Variants in CNTN4 observed in about 807,000 individuals in gnomAD.
The protein encoded by CNTN4 is contactin-4.
A neutral mutation model predicts 122.5 loss-of-function variants in CNTN4; 77 were observed. That is an observed-to-expected ratio of 0.63 (90% confidence interval 0.52 to 0.76). The LOEUF (loss-of-function observed/expected upper bound fraction) is 0.76. CNTN4 is among the 30% of genes least tolerant of loss of function. The pLI, the probability that CNTN4 is intolerant of heterozygous loss-of-function variation, is 0.00. For synonymous variants in CNTN4, 512 were observed against 447.0 expected, an observed-to-expected ratio of 1.15 and a Z score of -1.83; for missense variants, 1,256 against 1,259.1, an observed-to-expected ratio of 1.00 and a Z score of 0.04.
At position 2,618,243 on chromosome 3, in the gene CNTN4, G is replaced by GTATA. The variant is rs56209132; in HGVS notation, c.55+46695_55+46698dup. 6.5e-3 allele frequency among the ~76,000 whole-genome samples: 977 copies of GTATA among 151,162 alleles called. 13 individuals are homozygous for GTATA. The highest frequency in any genetic ancestry group is 0.023 in the African/African-American group (939 of 41,242). ...AAAGTGTTGTAAAAATTAAATGTGG[G>GTATA]TATATATATATATGGAATATGCATG... On this transcript the variant is annotated intron_variant, in intron 4 of 24. Coordinates refer to ENST00000418658, the MANE Select transcript of CNTN4 (RefSeq NM_175607.3).
intron 6 of CNTN4, among the ~76,000 whole-genome samples, chr3:2,776,521 A>G (rs573202892): frequency 6.6e-6 from 1 of 152,214 alleles, no homozygotes; most frequent in African/African-American, 2.4e-5. Flanking sequence ...TTGATCTCCA[A>G]AGTCAACATT....
At chr3:2,607,943 T>G (rs1285467808) in intron 4 of CNTN4, among the ~76,000 whole-genome samples, 1 of 152,202 alleles carries the variant, frequency 6.6e-6, no homozygotes, top group Non-Finnish European at 1.5e-5. Context: ...TTTGATCACT[T>G]CTGTGGTTTT....
chr3:2,594,416 C>CT lies in CNTN4; in HGVS notation c.55+22878dup, dbSNP rs36010353. Among the ~76,000 whole-genome samples the CT allele has an allele frequency of 1.3e-3, 130 of 103,544 alleles. 2 individuals carry two copies. Among genetic ancestry groups the CT allele is most frequent in the African/African-American group, 3.8e-3 (108 of 28,494 alleles). The allele number at this position is 103,544 out of a possible 152,430, so 67.9% of individuals were successfully genotyped here. A position where few individuals can be genotyped will look rare whatever the true frequency, so the allele number is the denominator to read the frequency against. The stretch of plus-strand genomic sequence containing the variant: ...TTAACCAGGGTATAATAAAATGGAT[C>CT]TTTTTTTTTTTTTTTTTTTTGAGAC... On this transcript the variant is annotated intron_variant, in intron 4 of 24. Coordinates refer to ENST00000418658, the MANE Select transcript of CNTN4 (RefSeq NM_175607.3).
chr3:2,231,680 A>G (rs1165095713), intron 2 of CNTN4, among the ~76,000 whole-genome samples: 2 of 152,232 alleles, frequency 1.3e-5, no homozygotes, highest in Non-Finnish European at 2.9e-5. Flanking sequence ...TTAAAGTCAA[A>G]TAAAAGCACT....
At chr3:2,585,436 A>G (rs1255208862) in intron 4 of CNTN4, among the ~76,000 whole-genome samples, 2 of 151,992 alleles carry the variant, frequency 1.3e-5, no homozygotes, top group African/African-American at 2.4e-5. Flanking sequence ...CTTGGAACCA[A>G]CCCAAATGTC....
intron 3 of CNTN4, among the ~76,000 whole-genome samples, chr3:2,490,163 AGC>A (rs2076275647): frequency 8.3e-3 from 4 of 482 alleles, no homozygotes; most frequent in Admixed American, 0.056. Context: ...AAAGAAAACA[AGC>A]AAACAAGCAA....
At chr3:2,861,622 A>C (rs562128936) in intron 7 of CNTN4, among the ~76,000 whole-genome samples, 1 of 152,322 alleles carries the variant, frequency 6.6e-6, no homozygotes, top group South Asian at 2.1e-4. Flanking sequence ...GTTATAATGC[A>C]AAGACTACCA....
At chr3:2,415,629 C>T (rs139448795) in intron 3 of CNTN4, among the ~76,000 whole-genome samples, 45 of 152,126 alleles carry the variant, frequency 3.0e-4, no homozygotes, top group African/African-American at 1.1e-3. Context: ...TCTGTGGGAC[C>T]CAGTGTTTGG....
intron 13 of CNTN4, among the ~76,000 whole-genome samples, chr3:2,931,501 C>A (rs2094520214): frequency 6.6e-6 from 1 of 152,198 alleles, no homozygotes; most frequent in African/African-American, 2.4e-5. Context: ...TCAAGTGTCA[C>A]CTGCTCAGAG....
intron 2 of CNTN4, among the ~76,000 whole-genome samples, chr3:2,169,810 A>G (rs527825077): frequency 2.0e-4 from 31 of 152,352 alleles, no homozygotes; most frequent in Non-Finnish European, 4.1e-4. Flanking sequence ...CTCTTTATCA[A>G]TGCTCTTAGT....
intron 2 of CNTN4, among the ~76,000 whole-genome samples, chr3:2,173,348 C>G (rs759909514): frequency 3.3e-5 from 5 of 152,156 alleles, no homozygotes; most frequent in Non-Finnish European, 5.9e-5. Context: ...GGTGAGAAGC[C>G]AGTGCACAGA....
At chr3:2,260,635 C>G (rs2040796984) in intron 2 of CNTN4, among the ~76,000 whole-genome samples, 3 of 152,032 alleles carry the variant, frequency 2.0e-5, no homozygotes, top group Admixed American at 2.0e-4. Flanking sequence ...TTGTATTTTT[C>G]CAAGCAAATA....
chr3:2,767,452 G>A (rs1313419905), intron 6 of CNTN4, among the ~76,000 whole-genome samples: 2 of 152,168 alleles, frequency 1.3e-5, no homozygotes, highest in African/African-American at 4.8e-5. Context: ...CAGCTAATCA[G>A]GGACTAGTTA....
At chr3:2,526,213 T>C (rs1432098316) in intron 3 of CNTN4, among the ~76,000 whole-genome samples, 1 of 152,154 alleles carries the variant, frequency 6.6e-6, no homozygotes, top group East Asian at 1.9e-4. Context: ...CACCTTCTCA[T>C]TTCTCTGTCT....
rs1209002718 is a variant in CNTN4, at chr3:2,841,221, C to A, written c.454+21640C>A. Among the ~76,000 whole-genome samples the A allele has an allele frequency of 1.3e-5, 2 of 152,176 alleles. No individual in the cohort carries two copies. The highest frequency in any genetic ancestry group is 2.1e-4 in the South Asian group (1 of 4,834). On this transcript the variant is annotated intron_variant, in intron 7 of 24. Coordinates refer to ENST00000418658, the MANE Select transcript of CNTN4 (RefSeq NM_175607.3). This position sits in a 1 kb window ranked among gnomAD's most constrained non-coding sequence, Gnocchi z 4.8. ...CAAAGAAGTTGGATCAAAAGAGTTACAGCTGGGTGGATTTTAACTTTTAAC... is the reference window on the plus strand; with the variant it reads ...CAAAGAAGTTGGATCAAAAGAGTTAAAGCTGGGTGGATTTTAACTTTTAAC...
chr3:2,117,134 C>A (rs972195220), intron 2 of CNTN4, among the ~76,000 whole-genome samples: 1 of 152,190 alleles, frequency 6.6e-6, no homozygotes, highest in Non-Finnish European at 1.5e-5. Context: ...ATGCCACAGG[C>A]AAGCCTCTGG....
intron 4 of CNTN4, among the ~76,000 whole-genome samples, chr3:2,707,545 A>G (rs1265833289): frequency 2.6e-5 from 4 of 152,178 alleles, no homozygotes; most frequent in African/African-American, 9.6e-5. Context: ...TTGCTAACAC[A>G]CTAGAATTTA....
chr3:2,292,958 T>C, intron 2 of CNTN4, among the ~76,000 whole-genome samples: 1 of 152,218 alleles, frequency 6.6e-6, no homozygotes, highest in Non-Finnish European at 1.5e-5. Flanking sequence ...CACATATTCA[T>C]TAGAAACTGC....
intron 3 of CNTN4, among the ~76,000 whole-genome samples, chr3:2,392,321 T>A (rs2046468999): frequency 6.6e-6 from 1 of 152,198 alleles, no homozygotes. Context: ...TGTTTTCTCC[T>A]GGCTTTAGAA....
Sources: gnomAD v4.1 joint callset for allele counts (sites outside exome capture counted in the v4.1 genomes callset) on GRCh38, gnomAD v4.1.1 for gene constraint, Gnocchi (gnomAD v3.1) non-coding constraint, MANE v1.5 for transcripts, NCBI Gene and HGNC (gene_info 2026-07-23, HGNC 2026-07-21) for gene names.